Variants in TMEM59 observed in about 807,000 individuals in gnomAD.
TMEM59 encodes dendritic cell factor 1.
TMEM59 carries 44 observed loss-of-function variants against 42.2 expected under a neutral mutation model. That is an observed-to-expected ratio of 1.04 (90% CI 0.82 to 1.34). The LOEUF is 1.34. Ranked by LOEUF, TMEM59 falls within the 40% of genes most tolerant of loss-of-function variation. The pLI, the probability that TMEM59 is intolerant of heterozygous loss-of-function variation, is 0.00. For missense variants in TMEM59, 359 were observed against 382.8 expected (o/e 0.94, Z 0.52); for synonymous variants, 148 against 145.8 (o/e 1.02, Z -0.11).
chr1:54,042,046 G>GTTT (rs1253767145), intron 4 of TMEM59, among the ~76,000 whole-genome samples: 19 of 142,716 alleles, frequency 1.3e-4, no homozygotes, highest in African/African-American at 5.4e-4. Context: ...TCCTGACAAC[G>GTTT]TTTTGTTTTG....
intron 6 of TMEM59, 36 bp from the exon 7 acceptor site, chr1:54,036,754 AT>A: frequency 1.4e-6 from 2 of 1,437,524 alleles, no homozygotes; most frequent in Non-Finnish European, 1.9e-6. Flanking sequence ...TTATATTAAA[AT>A]TTTATAAGAA....
chr1:54,032,326 A>G (rs767719167), intron 7 of TMEM59, 21 bp from the exon 8 acceptor site: 3 of 1,563,684 alleles, frequency 1.9e-6, no homozygotes, highest in Admixed American at 3.7e-5. Context: ...AAACCAATGT[A>G]CATTAGTAGT....
intron 1 of TMEM59, among the ~76,000 whole-genome samples, chr1:54,049,317 C>A (rs1293235974): frequency 6.6e-6 from 1 of 152,204 alleles, no homozygotes; most frequent in African/African-American, 2.4e-5. Context: ...GAGTGTCAAT[C>A]TTCACTATTA....
Position 54,030,626 on chromosome 1 carries a change from A to T in TMEM59, c.*1524T>A, listed in dbSNP as rs2100290691. 6.6e-6 allele frequency: 1 copy of T among 152,334 alleles called. No individual in the cohort carries two copies. The highest frequency in any genetic ancestry group is 1.9e-4 in the East Asian group (1 of 5,184). The allele number at this position is 152,334 out of a possible 1,614,324, so 9.4% of individuals were successfully genotyped here. A position where few individuals can be genotyped will look rare whatever the true frequency, so the allele number is the denominator to read the frequency against. ...ACGTTTTATCCCATGTTTTCTAACA[A>T]AAAGAAGAAAGAAACAATGACTGCT... On this transcript the variant is annotated 3_prime_UTR_variant, in exon 8 of 8. Transcript: ENST00000234831.
intron 1 of TMEM59, among the ~76,000 whole-genome samples, chr1:54,050,604 C>T (rs1358084607): frequency 4.0e-5 from 6 of 150,212 alleles, no homozygotes. Context: ...CCTCTTGTCG[C>T]CCAGGCTGGA....
In TMEM59 at chr1:54,045,759, T is replaced by A. The variant is rs554822967; in HGVS notation, c.323A>T (p.Asp108Val). 2 of 1,613,994 alleles carry A rather than the reference T, an allele frequency of 1.2e-6. No individual in the cohort carries two copies. Among genetic ancestry groups the A allele is most frequent in the Admixed American group, 3.3e-5 (2 of 60,018 alleles). ...ACCAAGATGGCAAGCATATTGCTCA[T>A]CAGATTGGGAATATGCTTCTGTACA... ...SACTEAYSQS[D>V]EQYACHLGCQ... Residue 108 changes from aspartate to valine, a missense_variant, in exon 3 of 8, where the codon GAT (aspartate) becomes GTT (valine). Coordinates refer to ENST00000234831, the MANE Select transcript of TMEM59 (RefSeq NM_004872.5).
rs1656684866 is a variant in TMEM59, at chr1:54,028,980, T to C, written c.*3170A>G. ...CTGGAAATCTCTGTCAATGATTCCCTACATGTGGACTTGATATTTGAGTCC... is the reference window on the plus strand; with the variant it reads ...CTGGAAATCTCTGTCAATGATTCCCCACATGTGGACTTGATATTTGAGTCC... On this transcript the variant is annotated 3_prime_UTR_variant, in exon 8 of 8. Coordinates refer to ENST00000234831, the MANE Select transcript of TMEM59 (RefSeq NM_004872.5). 6.6e-6 allele frequency: 1 copy of C among 152,230 alleles called. No individual in the cohort carries two copies. The highest frequency in any genetic ancestry group is 1.5e-5 in the Non-Finnish European group (1 of 68,044). 9.4% of individuals were successfully genotyped at this position (152,230 alleles called of 1,614,324 possible). A position where few individuals can be genotyped will look rare whatever the true frequency, so the allele number is the denominator to read the frequency against.
chr1:54,035,615 T>TTTTTTTC (rs142529728), intron 7 of TMEM59, among the ~76,000 whole-genome samples: 9 of 151,560 alleles, frequency 5.9e-5, no homozygotes, highest in African/African-American at 2.0e-4. Context: ...CCAGCATTTT[T>TTTTTTTC]TTTTCTTTTC....
chr1:54,053,441 T>A (rs1432488772), upstream of TMEM59: 3 of 517,920 alleles, frequency 5.8e-6, no homozygotes, highest in African/African-American at 5.8e-5. Context: ...CGGGGCCTCC[T>A]GACTTCTTCC....
rs1656722036 is a variant in TMEM59, at chr1:54,030,209, G to C, written c.*1941C>G. ...GATGGTGTTGAACTCCTGGCCCCAA[G>C]TGATCTAGATAATTCTTTGTTTTGT... On this transcript the variant is annotated 3_prime_UTR_variant, in exon 8 of 8. Transcript: ENST00000234831. The C allele has an allele frequency of 6.6e-6, 1 of 151,890 alleles. No homozygotes were observed. 9.4% of individuals were successfully genotyped at this position (151,890 alleles called of 1,614,324 possible).
intron 4 of TMEM59, 55 bp from the exon 5 acceptor site, chr1:54,041,860 T>C (rs760805856): frequency 7.4e-7 from 1 of 1,350,718 alleles, no homozygotes; most frequent in Non-Finnish European, 1.1e-6. Flanking sequence ...CTTTTTTCAG[T>C]AACAAGTTCT....
In TMEM59 at chr1:54,053,163, C is replaced by G; in HGVS notation, c.26G>C (p.Trp9Ser). The change falls in exon 1 of 8, where the codon TGG becomes TCG. Residue 9 changes from tryptophan (W) to serine (S), a missense_variant. Coordinates refer to ENST00000234831, the MANE Select transcript of TMEM59 (RefSeq NM_004872.5). MAAPKGSL[W>S]VRTQLGLPPL... The stretch of plus-strand genomic sequence containing the variant: ...CGGGAGCCCCAGTTGGGTCCTCACC[C>G]AGAGGCTCCCCTTCGGCGCCGCCAT... 6.2e-7 allele frequency: 1 copy of G among 1,614,192 alleles called. No individual in the cohort carries two copies. Among genetic ancestry groups the G allele is most frequent in the Non-Finnish European group, 8.5e-7 (1 of 1,180,020 alleles).
chr1:54,043,007 C>T (rs1657196505), intron 4 of TMEM59, among the ~76,000 whole-genome samples: 1 of 152,108 alleles, frequency 6.6e-6, no homozygotes, highest in Non-Finnish European at 1.5e-5. Context: ...AAAATTATGT[C>T]ATATTGCTTT....
At chr1:54,049,457 G>T (rs1464620239) in intron 1 of TMEM59, among the ~76,000 whole-genome samples, 3 of 152,064 alleles carry the variant, frequency 2.0e-5, no homozygotes, top group Non-Finnish European at 2.9e-5. Context: ...TGAAACATCT[G>T]GTATGGAGCA....
rs199501999 is a variant in TMEM59, at chr1:54,040,813, G to A, written c.650C>T (p.Ala217Val). The change falls in exon 6 of 8, where the codon GCG (alanine) becomes GTG (valine). Residue 217 changes from alanine to valine, a missense_variant. By Grantham distance (64) the Ala-to-Val change is moderately conservative. Transcript: ENST00000234831. ...MSYLQMRNSQ[A>V]HRNFLEDGES... ...TCCATCTTCAAGAAAATTCCTGTGC[G>A]CTTGTGAATTTCTCATTTGCAGATC... 36 of 1,613,582 alleles carry A rather than the reference G, an allele frequency of 2.2e-5. No homozygotes were observed. In the African/African-American group the frequency reaches 2.5e-4, roughly 11 times the overall value.
At chr1:54,039,989 A>G (rs1657083972) in intron 6 of TMEM59, among the ~76,000 whole-genome samples, 1 of 152,052 alleles carries the variant, frequency 6.6e-6, no homozygotes, top group African/African-American at 2.4e-5. Context: ...CCACTTTACC[A>G]TTACCCTTAA....
intron 1 of TMEM59, among the ~76,000 whole-genome samples, chr1:54,052,714 G>C (rs1341753240): frequency 6.6e-6 from 1 of 152,128 alleles, no homozygotes; most frequent in African/African-American, 2.4e-5. Flanking sequence ...CCTCCTCCGA[G>C]TGCTCGACTC....
At chr1:54,047,411 G>C (rs544838554) in intron 1 of TMEM59, 39 bp from the exon 2 acceptor site, 1 of 1,534,780 alleles carries the variant, frequency 6.5e-7, no homozygotes, top group Non-Finnish European at 8.9e-7. Context: ...CCAAAAAATA[G>C]TATTTTTTTT....
At chr1:54,047,515 G>A (rs1015988104) in intron 1 of TMEM59, 143 bp from the exon 2 acceptor site, 3 of 659,078 alleles carry the variant, frequency 4.6e-6, no homozygotes, top group African/African-American at 1.9e-5. Context: ...AAAATGATAG[G>A]AGCCAGTTGA....
Sources: gnomAD v4.1 joint callset for allele counts (sites outside exome capture counted in the v4.1 genomes callset) on GRCh38, gnomAD v4.1.1 for gene constraint, MANE v1.5 for transcripts, NCBI Gene and HGNC (gene_info 2026-07-23, HGNC 2026-07-21) for gene names.